The following DMTN variants were observed in gnomAD, a reference collection of about 807,000 sequenced individuals.
DMTN encodes dematin actin binding protein.
Under a neutral mutation model 59.4 loss-of-function variants are expected in DMTN, and 27 were observed. The ratio of observed to expected loss-of-function variants is 0.45; its 90% CI spans 0.33 to 0.63. DMTN has a LOEUF of 0.63. DMTN is among the 20% of genes least tolerant of loss of function. The pLI is 0.02. For synonymous variants in DMTN, 221 were observed against 203.7 expected, an observed-to-expected ratio of 1.08 and a Z score of -0.72; for missense variants, 451 against 528.9, an observed-to-expected ratio of 0.85 and a Z score of 1.45.
upstream of DMTN, chr8:22,049,002 C>T (rs1216737058): frequency 2.7e-5 from 4 of 147,864 alleles, no homozygotes; most frequent in East Asian, 2.0e-4. Context: ...GGCGCGGGCT[C>T]GGGTTTCCTG....
chr8:22,075,466 G>A (rs1309260404), intron 10 of DMTN, among the ~76,000 whole-genome samples: 2 of 148,710 alleles, frequency 1.3e-5, no homozygotes, highest in South Asian at 2.1e-4. Context: ...CTCCTGCCTC[G>A]GCCTCCTGAG....
chr8:22,069,885 C>G lies in DMTN; in HGVS notation c.399C>G (p.Thr133=), dbSNP rs776876608. ...TSLPHFHHPE[T]SRPDSNIYKK... is the part of the protein sequence containing the mutation. ...CATCTGTTCTTCCTCCCACAGAGAC[C>G]TCCCGCCCAGATTCCAACATCTACA... Residue 133 remains threonine, a synonymous_variant, in exon 7 of 16, where the codon ACC becomes ACG. Transcript: ENST00000358242. 3.1e-6 allele frequency: 5 copies of G among 1,614,014 alleles called. No individual in the cohort carries two copies. The African/African-American group carries it at 4.0e-5, about 13-fold the overall frequency.
chr8:22,056,365 T>G (rs1254928152), upstream of DMTN, among the ~76,000 whole-genome samples: 1 of 152,118 alleles, frequency 6.6e-6, no homozygotes, highest in Non-Finnish European at 1.5e-5. Context: ...CACCCCCACC[T>G]CAAGAGGCTG....
At chr8:22,071,407 T>C (rs773451794) in intron 8 of DMTN, among the ~76,000 whole-genome samples, 3 of 151,910 alleles carry the variant, frequency 2.0e-5, no homozygotes, top group South Asian at 2.1e-4. Flanking sequence ...TCTTTTTAAA[T>C]GTTGAGACAG....
intron 8 of DMTN, among the ~76,000 whole-genome samples, chr8:22,072,092 T>G (rs1815996165): frequency 6.6e-6 from 1 of 151,984 alleles, no homozygotes; most frequent in Non-Finnish European, 1.5e-5. Flanking sequence ...AGAGACTATA[T>G]TACCCCAGGC....
At chr8:22,075,186 C>CAAA (rs201457271) in intron 10 of DMTN, among the ~76,000 whole-genome samples, 1,647 of 131,070 alleles carry the variant, frequency 0.013, 32 homozygotes, top group Non-Finnish European at 0.015. Flanking sequence ...GACTCTGTCT[C>CAAA]AAAAAAAAAA....
intron 8 of DMTN, among the ~76,000 whole-genome samples, chr8:22,070,660 G>A (rs998633744): frequency 6.6e-6 from 1 of 152,180 alleles, no homozygotes; most frequent in Non-Finnish European, 1.5e-5. Context: ...TAGATGGTTT[G>A]GTCCCCAGCG....
intron 10 of DMTN, among the ~76,000 whole-genome samples, chr8:22,078,873 T>C (rs1368418536): frequency 1.5e-5 from 2 of 132,790 alleles, no homozygotes. Flanking sequence ...CTCCGCTCAC[T>C]GCAAGGTCCG....
intron 5 of DMTN, 67 bp from the exon 6 acceptor site, chr8:22,069,352 C>G: frequency 7.4e-7 from 1 of 1,352,334 alleles, no homozygotes; most frequent in Non-Finnish European, 1.0e-6. Context: ...GTGGTGTGAG[C>G]TGATGGGGTG....
At chr8:22,054,103 T>TACACACACACACACACACACAGAC (rs761199427), upstream of DMTN, among the ~76,000 whole-genome samples, 1 of 148,344 alleles carries the variant, frequency 6.7e-6, no homozygotes, top group Non-Finnish European at 1.5e-5. Flanking sequence ...CCACCACCAA[T>TACACACACACACACACACACAGAC]ACACACACAC....
At chr8:22,051,553 C>T (rs765119137), upstream of DMTN, among the ~76,000 whole-genome samples, 9 of 152,170 alleles carry the variant, frequency 5.9e-5, no homozygotes, top group African/African-American at 1.2e-4. Context: ...CCACCCCCCT[C>T]GGCCTGCCCT....
chr8:22,067,744 G>A (rs1811959005), intron 4 of DMTN, 62 bp downstream of exon 4: 2 of 1,580,658 alleles, frequency 1.3e-6, no homozygotes, highest in Non-Finnish European at 1.7e-6. Context: ...ACTGGGTGGG[G>A]ACCGATCCCT....
chr8:22,072,300 T>TC (rs1362330782), intron 8 of DMTN, 26 bp from the exon 9 acceptor site: 1 of 1,582,740 alleles, frequency 6.3e-7, no homozygotes, highest in Non-Finnish European at 8.6e-7. Flanking sequence ...AGTGACTCCC[T>TC]CCCCACCTTT....
upstream of DMTN, among the ~76,000 whole-genome samples, chr8:22,052,910 G>C (rs1344588979): frequency 6.6e-6 from 1 of 152,110 alleles, no homozygotes; most frequent in Non-Finnish European, 1.5e-5. Flanking sequence ...CTGCACTCTA[G>C]ATTCTGCCCG....
At chr8:22,072,472 C>G in intron 9 of DMTN, 22 bp downstream of exon 9, 3 of 1,537,222 alleles carry the variant, frequency 2.0e-6, no homozygotes, top group East Asian at 5.0e-5. Context: ...CCACCCCCAC[C>G]CTCCACCCCT....
At chr8:22,068,461 A>C (rs1812533626) in intron 4 of DMTN, among the ~76,000 whole-genome samples, 1 of 152,188 alleles carries the variant, frequency 6.6e-6, no homozygotes, top group Admixed American at 6.5e-5. Context: ...TCAGCTGCTC[A>C]GGAGGCTGAG....
At chr8:22,050,459 G>C (rs1801227561), upstream of DMTN, among the ~76,000 whole-genome samples, 1 of 151,990 alleles carries the variant, frequency 6.6e-6, no homozygotes, top group Admixed American at 6.5e-5. Flanking sequence ...GCTCGGGTTA[G>C]AGACGGCTTC....
chr8:22,076,324 A>C (rs921446328), intron 10 of DMTN, among the ~76,000 whole-genome samples: 1 of 152,040 alleles, frequency 6.6e-6, no homozygotes, highest in Non-Finnish European at 1.5e-5. Context: ...CTTCCATTAA[A>C]GGTCCAGTCG....
rs374312388 is a variant in DMTN at position 22,067,146 on chromosome 8, C to T, written c.80C>T (p.Pro27Leu). 2.5e-6 allele frequency: 4 copies of T among 1,608,654 alleles called. No homozygotes were observed. Among genetic ancestry groups the T allele is most frequent in the African/African-American group, 2.7e-5 (2 of 74,386 alleles). Residue 27 changes from proline to leucine, a missense_variant, in exon 3 of 16, where the codon CCC (proline) becomes CTC (leucine). Physicochemically the swap from Pro to Leu is moderately conservative, Grantham distance 98. Transcript: ENST00000358242. ...PSRDSSVPGS[P>L]SSIVAKMDNQ... ...CGAGATTCCAGTGTGCCTGGCTCTC[C>T]CTCCAGCATCGTGGTGAGTACCCCT... is the stretch of plus-strand genomic sequence containing the variant.
Sources: allele counts gnomAD v4.1 joint callset (sites outside exome capture counted in the v4.1 genomes callset), GRCh38; gene constraint gnomAD v4.1.1; transcripts MANE v1.5; gene names NCBI Gene and HGNC (gene_info 2026-07-23, HGNC 2026-07-21).